Variants in MEGF6 observed in about 807,000 individuals in gnomAD.
MEGF6 encodes multiple epidermal growth factor-like domains protein 6.
A neutral mutation model predicts 207.1 loss-of-function variants in MEGF6; 184 were observed. That is an observed-to-expected ratio of 0.89 (90% CI 0.79 to 1.00). MEGF6 has a LOEUF of 1.00. Among genes scored for constraint, MEGF6 ranks in the 50% least tolerant of loss-of-function variants. MEGF6 has a pLI of 0.00. For missense variants in MEGF6, 2,282 were observed against 2,202.9 expected, an observed-to-expected ratio of 1.04 and a Z score of -0.72; for synonymous variants, 1,038 against 910.0, an observed-to-expected ratio of 1.14 and a Z score of -2.53.
intron 4 of MEGF6, among the ~76,000 whole-genome samples, chr1:3,574,603 G>T (rs1210531087): frequency 6.6e-6 from 1 of 152,110 alleles, no homozygotes; most frequent in East Asian, 1.9e-4. Context: ...GGGAACTGAG[G>T]CCCAAAAGGG....
chr1:3,501,110 A>T lies in MEGF6; in HGVS notation c.2447-16T>A. The T allele has an allele frequency of 6.2e-7, 1 of 1,612,640 alleles. No individual in the cohort carries two copies. The highest frequency in any genetic ancestry group is 8.5e-7 in the Non-Finnish European group (1 of 1,179,886). On this transcript the variant is annotated splice_polypyrimidine_tract_variant and intron_variant, in intron 19 of 36. Transcript: ENST00000356575. ...GCTGGGCACACTACAGGCAGGCGAG[A>T]GAGGGTGAGTGGGGCCTGGCCACCT...
chr1:3,518,015 G>A (rs1275346275), intron 5 of MEGF6, among the ~76,000 whole-genome samples: 2 of 152,318 alleles, frequency 1.3e-5, no homozygotes, highest in East Asian at 3.9e-4. Flanking sequence ...TCCTGACTCT[G>A]GAGTCTTGTT....
At chr1:3,598,045 A>T (rs1644096856) in intron 2 of MEGF6, among the ~76,000 whole-genome samples, 1 of 152,206 alleles carries the variant, frequency 6.6e-6, no homozygotes, top group African/African-American at 2.4e-5. Context: ...AAGGAGTAGA[A>T]GATGCGCCCG....
intron 4 of MEGF6, among the ~76,000 whole-genome samples, chr1:3,550,731 C>T (rs940754539): frequency 5.3e-5 from 8 of 152,242 alleles, no homozygotes; most frequent in African/African-American, 7.2e-5. Context: ...GCCACCCAAC[C>T]GGGGCAGGGC....
intron 4 of MEGF6, among the ~76,000 whole-genome samples, chr1:3,550,641 G>A (rs538983958): frequency 1.4e-4 from 22 of 152,032 alleles, no homozygotes; most frequent in Non-Finnish European, 2.8e-4. Context: ...CCAGGCCTCC[G>A]GGGTGCTCCG....
chr1:3,559,935 C>T (rs56920770), intron 4 of MEGF6, among the ~76,000 whole-genome samples: 3,345 of 149,316 alleles, frequency 0.022, 131 homozygotes, highest in African/African-American at 0.078. Context: ...GGCATGAACC[C>T]GGGAGGCGGA....
chr1:3,510,852 T>G lies in MEGF6; in HGVS notation c.1165A>C (p.Asn389His). Residue 389 changes from asparagine to histidine, a missense_variant, in exon 10 of 37, where the codon AAC (asparagine) becomes CAC (histidine). Transcript: ENST00000356575. ...SPCCQQVCTN[N>H]PGGYECGCYA... ...CAGCCGCACTCGTACCCGCCAGGGTTGTTGGTGCACACCTGCTGGCAGCAC... is the reference window on the plus strand; with the variant it reads ...CAGCCGCACTCGTACCCGCCAGGGTGGTTGGTGCACACCTGCTGGCAGCAC... The G allele has an allele frequency of 6.2e-7, 1 of 1,610,972 alleles. No homozygotes were observed. Among genetic ancestry groups the G allele is most frequent in the Non-Finnish European group, 8.5e-7 (1 of 1,178,420 alleles).
intron 4 of MEGF6, among the ~76,000 whole-genome samples, chr1:3,529,034 G>GC (rs1642059204): frequency 6.6e-6 from 1 of 152,298 alleles, no homozygotes; most frequent in East Asian, 1.9e-4. Flanking sequence ...TGCCAGACCG[G>GC]CCCCCCGACT....
chr1:3,586,349 A>G (rs986202181), intron 3 of MEGF6, among the ~76,000 whole-genome samples: 1 of 152,214 alleles, frequency 6.6e-6, no homozygotes, highest in African/African-American at 2.4e-5. Flanking sequence ...ATGTATGGGC[A>G]TGATCGTGAA....
In MEGF6 at chr1:3,574,792, G is replaced by A. The variant is rs774433639; in HGVS notation, c.481+5033C>T. Among the ~76,000 whole-genome samples, 139 of 152,196 alleles carry A rather than the reference G, an allele frequency of 9.1e-4. 1 individual carries two copies. Among genetic ancestry groups the A allele is most frequent in the Non-Finnish European group, 1.8e-3 (124 of 68,004 alleles). On this transcript the variant is annotated intron_variant, in intron 4 of 36. Coordinates refer to ENST00000356575, the MANE Select transcript of MEGF6 (RefSeq NM_001409.4). The stretch of plus-strand genomic sequence containing the variant: ...TGGGTAGCTGGAATTAGAGGCGCCC[G>A]CCACCACACCTGGCTAATTTTTGTA...
In MEGF6 at chr1:3,499,184, C is replaced by G. The variant is rs531979822; in HGVS notation, c.3048G>C (p.Gly1016=). The change falls in exon 24 of 37, where the codon GGG becomes GGC. Residue 1016 remains glycine, a synonymous_variant. Transcript: ENST00000356575. ...TCCAGCCAGGGGCACAGTGGCACTG[C>G]CCGTGGACAGGGTCACAGGAGGCCC... is the stretch of plus-strand genomic sequence containing the variant. ...FNGASCDPVH[G]QCHCAPGWMG... is the part of the protein sequence containing the mutation. 269 of 1,603,696 alleles carry G rather than the reference C, an allele frequency of 1.7e-4. No homozygotes were observed. Among genetic ancestry groups the G allele is most frequent in the Non-Finnish European group, 2.1e-4 (252 of 1,176,448 alleles).
At chr1:3,593,937 T>C (rs1021644996) in intron 3 of MEGF6, among the ~76,000 whole-genome samples, 6 of 152,174 alleles carry the variant, frequency 3.9e-5, no homozygotes, top group African/African-American at 1.4e-4. Flanking sequence ...AACATGGCCA[T>C]CATCCCTTCT....
chr1:3,561,177 G>A (rs141913978), intron 4 of MEGF6, among the ~76,000 whole-genome samples: 2 of 152,194 alleles, frequency 1.3e-5, no homozygotes, highest in Admixed American at 1.3e-4. Context: ...CTGATGGAAG[G>A]GGGAGATGCA....
chr1:3,505,035 G>A (rs1011045187), intron 17 of MEGF6, among the ~76,000 whole-genome samples, 173 bp downstream of exon 17: 7 of 149,220 alleles, frequency 4.7e-5, no homozygotes, highest in Non-Finnish European at 8.9e-5. Context: ...GTGACAGGCC[G>A]TCAAGGCAAC....
intron 4 of MEGF6, chr1:3,546,994 C>G (rs1397339073): frequency 1.2e-5 from 2 of 173,624 alleles, no homozygotes; most frequent in Non-Finnish European, 2.5e-5. Context: ...GGGCCATGCC[C>G]TACCTTGGCA....
chr1:3,498,947 A>G, intron 24 of MEGF6, 121 bp from the exon 25 acceptor site: 21 of 1,431,934 alleles, frequency 1.5e-5, no homozygotes, highest in Non-Finnish European at 2.0e-5. Flanking sequence ...GGCTGCCCCT[A>G]GGATGACCTG....
chr1:3,607,777 C>T (rs1644271594), intron 1 of MEGF6, among the ~76,000 whole-genome samples: 1 of 152,238 alleles, frequency 6.6e-6, no homozygotes, highest in South Asian at 2.1e-4. Context: ...CAAAGTGGAC[C>T]TGGTGCAGTC....
At chr1:3,514,850 C>T (rs992245795) in intron 6 of MEGF6, among the ~76,000 whole-genome samples, 178 bp from the exon 7 acceptor site, 2 of 152,186 alleles carry the variant, frequency 1.3e-5, no homozygotes, top group Admixed American at 6.5e-5. Context: ...CCCAAGACGC[C>T]GAGAAGACTC....
chr1:3,590,383 G>T (rs1452544714), intron 3 of MEGF6, among the ~76,000 whole-genome samples: 2 of 83,162 alleles, frequency 2.4e-5, no homozygotes, highest in Non-Finnish European at 6.2e-5. Flanking sequence ...GAGAATCCAT[G>T]AGCAGGAAGG....
Sources: allele counts gnomAD v4.1 joint callset (sites outside exome capture counted in the v4.1 genomes callset), GRCh38; gene constraint gnomAD v4.1.1; transcripts MANE v1.5; gene names NCBI Gene and HGNC (gene_info 2026-07-23, HGNC 2026-07-21).